Variants in SLC25A21 observed in about 807,000 individuals in gnomAD.
SLC25A21 encodes the protein mitochondrial 2-oxodicarboxylate carrier.
A neutral mutation model predicts 43.8 loss-of-function variants in SLC25A21; 47 were observed. The observed-to-expected ratio is 1.07, with a 90% CI of 0.85 to 1.37. SLC25A21 has a LOEUF of 1.37. Among genes scored for constraint, SLC25A21 ranks in the 40% most tolerant of loss-of-function variants. The pLI, the probability that SLC25A21 is intolerant of heterozygous loss-of-function variation, is 0.00. For synonymous variants in SLC25A21, 131 were observed against 121.3 expected, an observed-to-expected ratio of 1.08 and a Z score of -0.52; for missense variants, 352 against 350.2, an observed-to-expected ratio of 1.00 and a Z score of -0.04.
At chr14:37,088,885 CTT>C (rs1405041967) in intron 1 of SLC25A21, among the ~76,000 whole-genome samples, 1 of 152,218 alleles carries the variant, frequency 6.6e-6, no homozygotes, top group Non-Finnish European at 1.5e-5. Context: ...CTCTCTCTCT[CTT>C]TTCAACTTAG....
In SLC25A21 at chr14:36,786,112, G is replaced by A. The variant is rs983372273; in HGVS notation, c.203+27806C>T. 5.3e-5 allele frequency among the ~76,000 whole-genome samples: 8 copies of A among 152,274 alleles called. No individual in the cohort carries two copies. In the South Asian group the frequency reaches 6.2e-4, roughly 12 times the overall value. ...GAGCGTGGGCTCTGGAATCAGAAAC[G>A]CCTGGATTTATTTATTAGCTATGGG... On this transcript the variant is annotated intron_variant, in intron 3 of 9. Coordinates refer to ENST00000331299, the MANE Select transcript of SLC25A21 (RefSeq NM_030631.4).
chr14:36,804,011 T>C lies in SLC25A21; in HGVS notation c.203+9907A>G, dbSNP rs151020411. Among the ~76,000 whole-genome samples, 10 of 152,338 alleles carry C rather than the reference T, an allele frequency of 6.6e-5. No individual in the cohort carries two copies. In the East Asian group the frequency reaches 1.5e-3, roughly 24 times the overall value. On this transcript the variant is annotated intron_variant, in intron 3 of 9. Coordinates refer to ENST00000331299, the MANE Select transcript of SLC25A21 (RefSeq NM_030631.4). ...ACCACAGGTCCAAACCTTGGTCTCATAGAATGATGGTGCCACATGTCAGAA... is the reference window on the plus strand; with the variant it reads ...ACCACAGGTCCAAACCTTGGTCTCACAGAATGATGGTGCCACATGTCAGAA...
At chr14:36,829,793 G>T (rs1018266858) in intron 2 of SLC25A21, among the ~76,000 whole-genome samples, 2 of 152,188 alleles carry the variant, frequency 1.3e-5, no homozygotes, top group Admixed American at 6.5e-5. Flanking sequence ...GCTGAGTGGT[G>T]GTGGCTTGCC....
chr14:37,009,390 G>C (rs1960680617), intron 1 of SLC25A21, among the ~76,000 whole-genome samples: 1 of 152,106 alleles, frequency 6.6e-6, no homozygotes, highest in Non-Finnish European at 1.5e-5. Flanking sequence ...AGAGGCTGAG[G>C]CAGGAGAATT....
At chr14:36,886,905 T>C (rs1425063836) in intron 1 of SLC25A21, among the ~76,000 whole-genome samples, 1 of 152,188 alleles carries the variant, frequency 6.6e-6, no homozygotes, top group Non-Finnish European at 1.5e-5. Context: ...AGTGAACCAA[T>C]TTTCAGATGT....
intron 1 of SLC25A21, among the ~76,000 whole-genome samples, chr14:37,028,792 A>G (rs991043949): frequency 6.6e-6 from 1 of 152,218 alleles, no homozygotes; most frequent in Non-Finnish European, 1.5e-5. Context: ...GTGACAGAGA[A>G]CATTACATCA....
rs368763927 is a variant in SLC25A21, at chr14:36,959,970, C to G, written c.71-84966G>C. On this transcript the variant is annotated intron_variant, in intron 1 of 9. Coordinates refer to ENST00000331299, the MANE Select transcript of SLC25A21 (RefSeq NM_030631.4). Reference sequence around the variant, plus strand: ...ATCATATAATGTCTGCCTGTTAGATCCCCCATCTGTCCAATTAGGACAAGA... The same window carrying G: ...ATCATATAATGTCTGCCTGTTAGATGCCCCATCTGTCCAATTAGGACAAGA... 1.5e-4 allele frequency among the ~76,000 whole-genome samples: 23 copies of G among 152,240 alleles called. No homozygotes were observed. In the East Asian group the frequency reaches 2.9e-3, roughly 19 times the overall value.
intron 3 of SLC25A21, among the ~76,000 whole-genome samples, chr14:36,791,344 C>G (rs936654080): frequency 6.6e-6 from 1 of 152,084 alleles, no homozygotes; most frequent in South Asian, 2.1e-4. Flanking sequence ...ATTTCCTCTA[C>G]CTAAACAAAA....
At chr14:36,683,740 T>C in intron 9 of SLC25A21, 88 bp downstream of exon 9, 2 of 925,372 alleles carry the variant, frequency 2.2e-6, no homozygotes, top group South Asian at 3.5e-5. Context: ...AAGTGGTAAA[T>C]ATTTTGTTGC....
intron 1 of SLC25A21, among the ~76,000 whole-genome samples, chr14:37,008,869 T>G (rs539668154): frequency 1.3e-5 from 2 of 152,336 alleles, no homozygotes; most frequent in South Asian, 2.1e-4. Context: ...TGTATTTTAC[T>G]GCTTCCAATC....
In SLC25A21 at chr14:37,172,401, C is replaced by A. The variant is rs1280309776; in HGVS notation, c.-51G>T. 3 of 1,539,498 alleles carry A rather than the reference C, an allele frequency of 1.9e-6. No individual in the cohort carries two copies. Among genetic ancestry groups the A allele is most frequent in the Middle Eastern group, 1.7e-4 (1 of 5,952 alleles). On this transcript the variant is annotated 5_prime_UTR_variant, in exon 1 of 10. Transcript: ENST00000331299. ...GTGGGCTGAGATGCGTCAACGAGCT[C>A]GCAGCCTGCACAGCCTACTGATCCA...
At chr14:36,692,948 G>A (rs1882852657) in intron 7 of SLC25A21, among the ~76,000 whole-genome samples, 1 of 152,106 alleles carries the variant, frequency 6.6e-6, no homozygotes. Context: ...TGATTTTGGG[G>A]GTATCACAAA....
At chr14:36,774,282 A>G (rs571189581) in intron 3 of SLC25A21, among the ~76,000 whole-genome samples, 73 of 152,346 alleles carry the variant, frequency 4.8e-4, no homozygotes, top group Non-Finnish European at 2.9e-4. Context: ...ATTACTCAGC[A>G]GGTATGGGGA....
intron 1 of SLC25A21, among the ~76,000 whole-genome samples, chr14:37,095,249 G>A (rs1962664865): frequency 6.6e-6 from 1 of 152,180 alleles, no homozygotes; most frequent in African/African-American, 2.4e-5. Context: ...CAGGCGTGGT[G>A]GCACATGCCT....
intron 1 of SLC25A21, among the ~76,000 whole-genome samples, chr14:37,032,517 C>T (rs1407578702): frequency 1.3e-5 from 2 of 151,954 alleles, no homozygotes; most frequent in East Asian, 1.9e-4. Flanking sequence ...GCCTGGGCTA[C>T]AGAGCAAGAC....
intron 1 of SLC25A21, among the ~76,000 whole-genome samples, chr14:36,966,950 A>T (rs1373959251): frequency 6.6e-6 from 1 of 152,156 alleles, no homozygotes; most frequent in Admixed American, 6.5e-5. Context: ...TTTCTCTATA[A>T]AGAAATATAG....
chr14:37,040,352 G>A lies in SLC25A21; in HGVS notation c.70+131929C>T, dbSNP rs201202510. On this transcript the variant is annotated intron_variant, in intron 1 of 9. Transcript: ENST00000331299. Reference sequence around the variant, plus strand: ...GGGAAGGAAGGAAGGAAGGAAGGAAGGAAAGAAAGAGAGAGAGAGAGAGAA... The same window carrying A: ...GGGAAGGAAGGAAGGAAGGAAGGAAAGAAAGAAAGAGAGAGAGAGAGAGAA... Among the ~76,000 whole-genome samples the A allele has an allele frequency of 4.1e-4, 24 of 58,790 alleles. 1 individual carries two copies. Among genetic ancestry groups the A allele is most frequent in the East Asian group, 2.7e-3 (6 of 2,244 alleles). 38.6% of individuals were successfully genotyped at this position (58,790 alleles called of 152,430 possible). A position where few individuals can be genotyped will look rare whatever the true frequency, so the allele number is the denominator to read the frequency against.
chr14:37,052,093 C>T (rs1961720283), intron 1 of SLC25A21, among the ~76,000 whole-genome samples: 1 of 152,124 alleles, frequency 6.6e-6, no homozygotes, highest in African/African-American at 2.4e-5. Context: ...TTTAAACACA[C>T]AGTTGTTGCT....
At chr14:36,954,143 C>A (rs539341071) in intron 1 of SLC25A21, among the ~76,000 whole-genome samples, 1 of 152,272 alleles carries the variant, frequency 6.6e-6, no homozygotes, top group South Asian at 2.1e-4. Context: ...CATAGTCACT[C>A]AGCTGAAACC....
Sources: allele counts gnomAD v4.1 joint callset (sites outside exome capture counted in the v4.1 genomes callset), GRCh38; gene constraint gnomAD v4.1.1; transcripts MANE v1.5; gene names NCBI Gene and HGNC (gene_info 2026-07-23, HGNC 2026-07-21).